The following CMIP variants were observed in gnomAD, a reference collection of about 807,000 sequenced individuals.
CMIP encodes the protein C-Maf-inducing protein.
Under a neutral mutation model 97.3 loss-of-function variants are expected in CMIP, and 13 were observed. The ratio of observed to expected loss-of-function variants is 0.13; its 90% CI spans 0.09 to 0.21. CMIP has a LOEUF of 0.21. Ranked by LOEUF, CMIP falls within the 10% of genes least tolerant of loss-of-function variation. The probability of loss-of-function intolerance (pLI) is 1.00; values close to 1 mark genes in which losing one functional copy is unlikely to be tolerated. For synonymous variants in CMIP, 538 were observed against 436.3 expected (o/e 1.23, Z -2.91); for missense variants, 847 against 1,024.9 (o/e 0.83, Z 2.37).
rs752052329 is a variant in CMIP, at chr16:81,707,470, G to A, written c.2268+386G>A. On this transcript the variant is annotated intron_variant, in intron 20 of 20. Coordinates refer to ENST00000537098, the MANE Select transcript of CMIP (RefSeq NM_198390.3). ...GGAACTGAGAGAGGGAATGGGCTGG[G>A]GCCGGATGGAAAAAGCCCTCACAGG... 4.4e-4 allele frequency among the ~76,000 whole-genome samples: 67 copies of A among 152,246 alleles called. 1 individual carries two copies. The highest frequency in any genetic ancestry group is 7.9e-4 in the Admixed American group (12 of 15,286).
At chr16:81,697,141 T>A (rs970091574) in intron 14 of CMIP, 5 of 181,898 alleles carry the variant, frequency 2.7e-5, no homozygotes, top group African/African-American at 1.2e-4. Flanking sequence ...TCATGAGGGG[T>A]CTGAGGTCAC....
At chr16:81,501,938 C>G (rs1254414821) in intron 1 of CMIP, among the ~76,000 whole-genome samples, 1 of 152,182 alleles carries the variant, frequency 6.6e-6, no homozygotes, top group Admixed American at 6.5e-5. Context: ...GTCCTTGTGC[C>G]TTCCTTGCCT....
intron 1 of CMIP, among the ~76,000 whole-genome samples, chr16:81,512,636 G>T (rs1350023559): frequency 1.3e-5 from 2 of 150,750 alleles, no homozygotes; most frequent in Non-Finnish European, 3.0e-5. Context: ...TCTTCCAAAG[G>T]TTTTTTTTTA....
chr16:81,580,123 G>A (rs2091270927), intron 1 of CMIP, among the ~76,000 whole-genome samples: 1 of 152,170 alleles, frequency 6.6e-6, no homozygotes, highest in African/African-American at 2.4e-5. Context: ...TGGAGGCAGG[G>A]GTTTCCTAAC....
chr16:81,553,851 C>G (rs561055462), intron 1 of CMIP, among the ~76,000 whole-genome samples: 6 of 152,370 alleles, frequency 3.9e-5, no homozygotes, highest in African/African-American at 1.2e-4. Context: ...GAGGGACCAC[C>G]TTCAGCTTTG....
intron 1 of CMIP, among the ~76,000 whole-genome samples, chr16:81,530,042 A>G (rs1053534118): frequency 2.6e-5 from 4 of 152,234 alleles, no homozygotes; most frequent in African/African-American, 7.2e-5. Flanking sequence ...GGCTGGGGAC[A>G]GTAAGACCAT....
chr16:81,602,141 G>A (rs1461366868), intron 1 of CMIP, among the ~76,000 whole-genome samples: 2 of 152,150 alleles, frequency 1.3e-5, no homozygotes, highest in South Asian at 2.1e-4. Flanking sequence ...TGAGGGAGGG[G>A]GTGAGAGCAG....
At position 81,469,908 on chromosome 16, in the gene CMIP, G is replaced by C. The variant is rs537450385; in HGVS notation, c.300+24367G>C. Among the ~76,000 whole-genome samples the C allele has an allele frequency of 2.0e-5, 3 of 152,224 alleles. No individual in the cohort carries two copies. In the South Asian group the frequency reaches 6.2e-4, roughly 32 times the overall value. On this transcript the variant is annotated intron_variant, in intron 1 of 20. Coordinates refer to ENST00000537098, the MANE Select transcript of CMIP (RefSeq NM_198390.3). Reference sequence around the variant, plus strand: ...GGAGGGATGAGGAGGGCCTTCTTTGGGGTCCTCCTGTCTGCTGCACCCTTG... The same window carrying C: ...GGAGGGATGAGGAGGGCCTTCTTTGCGGTCCTCCTGTCTGCTGCACCCTTG...
chr16:81,688,072 C>G (rs1392810905), intron 10 of CMIP, among the ~76,000 whole-genome samples: 1 of 152,200 alleles, frequency 6.6e-6, no homozygotes, highest in Non-Finnish European at 1.5e-5. Flanking sequence ...TAATACTGTT[C>G]GGTTGTGGGA....
At chr16:81,693,113 C>T (rs754238848) in intron 11 of CMIP, 45 bp from the exon 12 acceptor site, 6 of 1,548,330 alleles carry the variant, frequency 3.9e-6, no homozygotes, top group South Asian at 2.2e-5. Flanking sequence ...GTGCTGTTTC[C>T]GACGCTTCTG....
intron 1 of CMIP, among the ~76,000 whole-genome samples, chr16:81,591,950 G>C (rs571519901): frequency 6.6e-6 from 1 of 151,110 alleles, no homozygotes; most frequent in Non-Finnish European, 1.5e-5. Flanking sequence ...CAGCCTCCCA[G>C]GTAGCTGGGA....
At chr16:81,683,844 C>T (rs937335581) in intron 10 of CMIP, among the ~76,000 whole-genome samples, 4 of 148,564 alleles carry the variant, frequency 2.7e-5, no homozygotes, top group Admixed American at 1.3e-4. Context: ...TCACTGCAAC[C>T]TCTGCCTCGC....
At chr16:81,644,889 G>C (rs374971848) in intron 3 of CMIP, among the ~76,000 whole-genome samples, 1 of 152,208 alleles carries the variant, frequency 6.6e-6, no homozygotes, top group African/African-American at 2.4e-5. Context: ...TCCTCGGGCC[G>C]AACGCAGTGC....
At position 81,453,342 on chromosome 16, in the gene CMIP, A is replaced by G. The variant is rs1489098521; in HGVS notation, c.300+7801A>G. Reference sequence around the variant, plus strand: ...TGGATATAGGATTTGAGTGTATGGAATCAAACAGCCATCTGGGTGCTTCCC... The same window carrying G: ...TGGATATAGGATTTGAGTGTATGGAGTCAAACAGCCATCTGGGTGCTTCCC... On this transcript the variant is annotated intron_variant, in intron 1 of 20. Transcript: ENST00000537098. The surrounding 1 kb of genome is among the most constrained non-coding windows in gnomAD (Gnocchi z 4.0). Among the ~76,000 whole-genome samples, 2 of 152,194 alleles carry G rather than the reference A, an allele frequency of 1.3e-5. No individual in the cohort carries two copies. Among genetic ancestry groups the G allele is most frequent in the Non-Finnish European group, 2.9e-5 (2 of 68,022 alleles).
At chr16:81,651,791 G>A (rs569083646) in intron 3 of CMIP, among the ~76,000 whole-genome samples, 2 of 152,312 alleles carry the variant, frequency 1.3e-5, no homozygotes, top group East Asian at 1.9e-4. Context: ...TGAGGGCACT[G>A]GCTTGAGAGC....
chr16:81,593,341 G>C (rs1365923128), intron 1 of CMIP, among the ~76,000 whole-genome samples: 1 of 152,102 alleles, frequency 6.6e-6, no homozygotes, highest in African/African-American at 2.4e-5. Flanking sequence ...GCTTGGTTGA[G>C]ATTGGCGAGA....
chr16:81,570,639 C>T (rs1347175875), intron 1 of CMIP, among the ~76,000 whole-genome samples: 2 of 152,124 alleles, frequency 1.3e-5, no homozygotes, highest in South Asian at 2.1e-4. Flanking sequence ...GGGAGGAGAA[C>T]CAGGGATGGC....
intron 1 of CMIP, among the ~76,000 whole-genome samples, chr16:81,480,822 G>C (rs1260242238): frequency 6.6e-6 from 1 of 152,206 alleles, no homozygotes; most frequent in African/African-American, 2.4e-5. Flanking sequence ...AAAGGACGGG[G>C]GTGGTTTGCC....
In CMIP at chr16:81,445,320, G is replaced by C. The variant is rs377609441; in HGVS notation, c.79G>C (p.Val27Leu). The change falls in exon 1 of 21, where the codon GTG becomes CTG. Residue 27 changes from valine (V) to leucine (L), a missense_variant. Val to Leu is a conservative substitution (Grantham distance 32). This residue lies in a region of CMIP where 94 missense variants were observed against 79.9 expected (regional missense o/e 1.18). Coordinates refer to ENST00000537098, the MANE Select transcript of CMIP (RefSeq NM_198390.3). ...EETKPLLGGD[V>L]SAPEGTKMGA... ...GACCAAGCCGCTGCTGGGGGGCGAC[G>C]TGTCGGCCCCCGAAGGCACGAAGAT... 5.8e-5 allele frequency: 91 copies of C among 1,581,134 alleles called. No individual in the cohort carries two copies. The African/African-American group carries it at 1.1e-3, about 20-fold the overall frequency.
Sources: gnomAD v4.1 joint callset for allele counts (sites outside exome capture counted in the v4.1 genomes callset) on GRCh38, gnomAD v4.1.1 for gene constraint, gnomAD v4.1.1 regional missense constraint, Gnocchi (gnomAD v3.1) non-coding constraint, MANE v1.5 for transcripts, NCBI Gene and HGNC (gene_info 2026-07-23, HGNC 2026-07-21) for gene names.